Variants in FKBP15 observed in about 807,000 individuals in gnomAD.
The protein encoded by FKBP15 is FK506-binding protein 15.
A neutral mutation model predicts 158.1 loss-of-function variants in FKBP15; 106 were observed. That is an observed-to-expected ratio of 0.67 (90% CI 0.57 to 0.79). The LOEUF (loss-of-function observed/expected upper bound fraction) is 0.79, where lower values mean the gene tolerates loss of function less well. Among genes scored for constraint, FKBP15 ranks in the 30% least tolerant of loss-of-function variants. The pLI, the probability that FKBP15 is intolerant of heterozygous loss-of-function variation, is 0.00. For missense variants in FKBP15, 1,287 were observed against 1,479.1 expected (o/e 0.87, Z 2.13); for synonymous variants, 547 against 548.6 (o/e 1.00, Z 0.04).
chr9:113,213,863 T>A (rs1046590103), intron 1 of FKBP15, among the ~76,000 whole-genome samples: 2 of 152,226 alleles, frequency 1.3e-5, no homozygotes, highest in African/African-American at 4.8e-5. Context: ...GACTAAGATA[T>A]CAGCCAAGAG....
At chr9:113,185,293 A>C (rs1830466393) in intron 15 of FKBP15, among the ~76,000 whole-genome samples, 1 of 152,236 alleles carries the variant, frequency 6.6e-6, no homozygotes, top group Non-Finnish European at 1.5e-5. Context: ...GCACAGAGAA[A>C]AGCACGATTA....
At chr9:113,202,778 T>G (rs1236947811) in intron 5 of FKBP15, 149 bp from the exon 6 acceptor site, 6 of 789,452 alleles carry the variant, frequency 7.6e-6, no homozygotes, top group Non-Finnish European at 1.2e-5. Context: ...CCCTCTACGA[T>G]TCACCCTTCA....
chr9:113,208,725 G>A (rs7468935), intron 2 of FKBP15, among the ~76,000 whole-genome samples: 1 of 151,758 alleles, frequency 6.6e-6, no homozygotes, highest in African/African-American at 2.4e-5. Context: ...CTGTTCCTCA[G>A]GCTGGACGAG....
intron 1 of FKBP15, among the ~76,000 whole-genome samples, chr9:113,219,342 G>A (rs1261334648): frequency 6.6e-5 from 10 of 152,258 alleles, no homozygotes; most frequent in Admixed American, 4.6e-4. Flanking sequence ...AGTAATATAT[G>A]GCTATAAAAG....
Position 113,206,497 on chromosome 9 carries a change from G to A in FKBP15, c.324+12C>T. On this transcript the variant is annotated intron_variant, in intron 4 of 27. Coordinates refer to ENST00000238256, the MANE Select transcript of FKBP15 (RefSeq NM_015258.2). The stretch of plus-strand genomic sequence containing the variant: ...ACATCTGAATATACATGAGATGTGG[G>A]AGCACTCTCACCTCTCTGGCTGTGT... 3.7e-6 allele frequency: 6 copies of A among 1,612,224 alleles called. No homozygotes were observed. Among genetic ancestry groups the A allele is most frequent in the South Asian group, 1.1e-5 (1 of 91,030 alleles).
At chr9:113,191,616 T>C (rs1366473738) in intron 11 of FKBP15, among the ~76,000 whole-genome samples, 1 of 149,080 alleles carries the variant, frequency 6.7e-6, no homozygotes, top group African/African-American at 2.4e-5. Context: ...TACACCAACA[T>C]GAAAAGATTC....
Position 113,161,842 on chromosome 9 carries a change from A to T in FKBP15, c.*4236T>A, listed in dbSNP as rs773188282. 8.1e-6 allele frequency: 7 copies of T among 862,034 alleles called. No individual in the cohort carries two copies. In the South Asian group the frequency reaches 8.5e-5, roughly 10 times the overall value. The allele number at this position is 862,034 out of a possible 1,614,324, so 53.4% of individuals were successfully genotyped here. A position where few individuals can be genotyped will look rare whatever the true frequency, so the allele number is the denominator to read the frequency against. ...AGGACTTGCCAAAGTGGCTACACAT[A>T]GCCAAGTGAACTAGAGCTCATGTCT... is the stretch of plus-strand genomic sequence containing the variant. On this transcript the variant is annotated 3_prime_UTR_variant, in exon 28 of 28. Coordinates refer to ENST00000238256, the MANE Select transcript of FKBP15 (RefSeq NM_015258.2).
At chr9:113,170,722 A>G in intron 24 of FKBP15, 93 bp from the exon 25 acceptor site, 1 of 859,936 alleles carries the variant, frequency 1.2e-6, no homozygotes, top group Non-Finnish European at 2.0e-6. Flanking sequence ...AAATGAAGCC[A>G]TCTTAGATCT....
At position 113,162,837 on chromosome 9, in the gene FKBP15, A is replaced by C. The variant is rs1409219027; in HGVS notation, c.*3241T>G. On this transcript the variant is annotated 3_prime_UTR_variant, in exon 28 of 28. Transcript: ENST00000238256. ...CATCATGCTGGCCGTAATGTCCTAC[A>C]ACACCTGGATTTTCCTTGGTGTGGT... 1 of 1,613,754 alleles carries C rather than the reference A, an allele frequency of 6.2e-7. No homozygotes were observed. The highest frequency in any genetic ancestry group is 1.3e-5 in the African/African-American group (1 of 75,006).
At chr9:113,219,802 T>C (rs1831212577) in intron 1 of FKBP15, among the ~76,000 whole-genome samples, 1 of 152,110 alleles carries the variant, frequency 6.6e-6, no homozygotes, top group African/African-American at 2.4e-5. Context: ...TAGTGAAGAA[T>C]GCGAATTTAA....
chr9:113,197,577 G>A (rs1587967243), intron 8 of FKBP15, among the ~76,000 whole-genome samples: 1 of 152,298 alleles, frequency 6.6e-6, no homozygotes, highest in East Asian at 1.9e-4. Context: ...GCTGAGGCAG[G>A]AGAATCGCTT....
At chr9:113,201,767 C>A (rs1830796958) in intron 6 of FKBP15, among the ~76,000 whole-genome samples, 1 of 152,166 alleles carries the variant, frequency 6.6e-6, no homozygotes. Flanking sequence ...GTTACGGTAG[C>A]TTGAACTGAC....
intron 20 of FKBP15, 49 bp downstream of exon 20, chr9:113,178,581 C>T (rs754770834): frequency 4.6e-6 from 7 of 1,523,516 alleles, no homozygotes; most frequent in Admixed American, 2.2e-5. Context: ...CAGCTTAATT[C>T]CTTGAGTTTA....
chr9:113,168,357 A>T, intron 27 of FKBP15, 103 bp downstream of exon 27: 2 of 970,902 alleles, frequency 2.1e-6, no homozygotes, highest in Non-Finnish European at 3.2e-6. Flanking sequence ...CACAGAGTCC[A>T]GGGAGTGGGC....
intron 19 of FKBP15, 56 bp downstream of exon 19, chr9:113,182,710 C>A: frequency 7.1e-7 from 1 of 1,405,774 alleles, no homozygotes; most frequent in Non-Finnish European, 1.0e-6. Context: ...GTACATGGGA[C>A]CATTCCTTAG....
Position 113,161,842 on chromosome 9 carries a change from A to G in FKBP15, c.*4236T>C. Reference sequence around the variant, plus strand: ...AGGACTTGCCAAAGTGGCTACACATAGCCAAGTGAACTAGAGCTCATGTCT... The same window carrying G: ...AGGACTTGCCAAAGTGGCTACACATGGCCAAGTGAACTAGAGCTCATGTCT... On this transcript the variant is annotated 3_prime_UTR_variant, in exon 28 of 28. Coordinates refer to ENST00000238256, the MANE Select transcript of FKBP15 (RefSeq NM_015258.2). 1 of 862,158 alleles carries G rather than the reference A, an allele frequency of 1.2e-6. No individual in the cohort carries two copies. The highest frequency in any genetic ancestry group is 1.9e-6 in the Non-Finnish European group (1 of 528,820). The allele number at this position is 862,158 out of a possible 1,614,324, so 53.4% of individuals were successfully genotyped here. A position where few individuals can be genotyped will look rare whatever the true frequency, so the allele number is the denominator to read the frequency against.
rs796935056 is a variant in FKBP15, at chr9:113,207,036, C to A, written c.254+176G>T. On this transcript the variant is annotated intron_variant, in intron 3 of 27. Coordinates refer to ENST00000238256, the MANE Select transcript of FKBP15 (RefSeq NM_015258.2). ...CTAAAGACAGTAGACAAGATAATGG[C>A]TTTTCAAGTTTTACCACAGAAATCT... The A allele has an allele frequency of 4.6e-5, 27 of 585,358 alleles. No homozygotes were observed. The African/African-American group carries it at 4.9e-4, about 11-fold the overall frequency. The allele number at this position is 585,358 out of a possible 1,614,324, so 36.3% of individuals were successfully genotyped here.
chr9:113,221,115 A>C (rs898774412), intron 1 of FKBP15, 76 bp downstream of exon 1: 24 of 1,463,220 alleles, frequency 1.6e-5, no homozygotes, highest in Admixed American at 4.1e-5. Flanking sequence ...AGGCCTGAGA[A>C]GAGATCGACC....
At chr9:113,193,234 T>C (rs557214584) in intron 11 of FKBP15, among the ~76,000 whole-genome samples, 9 of 152,320 alleles carry the variant, frequency 5.9e-5, no homozygotes, top group Admixed American at 5.2e-4. Flanking sequence ...AAAGTAACCA[T>C]TGATTTAGCC....
Sources: gnomAD v4.1 joint callset for allele counts (sites outside exome capture counted in the v4.1 genomes callset) on GRCh38, gnomAD v4.1.1 for gene constraint, MANE v1.5 for transcripts, NCBI Gene and HGNC (gene_info 2026-07-23, HGNC 2026-07-21) for gene names.